The following ZC3H12B variants were observed in gnomAD, a reference collection of about 807,000 sequenced individuals.
ZC3H12B encodes the protein zinc finger CCCH-type containing 12B.
In ZC3H12B, 7 loss-of-function variants were observed where a neutral mutation model predicts 43.9. The observed-to-expected ratio is 0.16, with a 90% CI of 0.09 to 0.30. The LOEUF (loss-of-function observed/expected upper bound fraction) is 0.30, where lower values mean the gene tolerates loss of function less well. Ranked by LOEUF, ZC3H12B falls within the 10% of genes least tolerant of loss-of-function variation. The probability of loss-of-function intolerance (pLI) is 1.00; values close to 1 mark genes in which losing one functional copy is unlikely to be tolerated. For missense variants in ZC3H12B, 475 were observed against 670.2 expected, an observed-to-expected ratio of 0.71 and a Z score of 3.22; for synonymous variants, 222 against 241.7, an observed-to-expected ratio of 0.92 and a Z score of 0.76.
At chrX:65,054,915 T>G in the ZC3H12B span, among the ~76,000 whole-genome samples, 1 of 111,691 alleles carries the variant, frequency 9.0e-6, no homozygotes, top group African/African-American at 3.3e-5. Flanking sequence ...TAAGAATGTT[T>G]GTGATTTTTG....
chrX:65,093,002 C>A, the ZC3H12B span, among the ~76,000 whole-genome samples: 1 of 111,626 alleles, frequency 9.0e-6, no homozygotes, highest in Non-Finnish European at 1.9e-5. Context: ...TGAGCCAGGC[C>A]CAGTGCCCTT....
At chrX:65,100,905 T>C in the ZC3H12B span, among the ~76,000 whole-genome samples, 1 of 111,584 alleles carries the variant, frequency 9.0e-6, no homozygotes. Flanking sequence ...CTAGTAGACA[T>C]CTACATAACT....
At chrX:65,153,132 A>G in the ZC3H12B span, among the ~76,000 whole-genome samples, 565 of 112,386 alleles carry the variant, frequency 5.0e-3, 2 homozygotes, top group African/African-American at 0.016. Flanking sequence ...TAAAAACCCT[A>G]GAAGAAAACT....
chrX:65,464,080 T>C (rs755404891), intron 3 of ZC3H12B, among the ~76,000 whole-genome samples: 11 of 112,378 alleles, frequency 9.8e-5, no homozygotes, highest in Non-Finnish European at 1.7e-4. Context: ...GTTAGATAAA[T>C]GTTCTACTAT....
chrX:65,104,781 T>C, the ZC3H12B span, among the ~76,000 whole-genome samples: 1 of 111,474 alleles, frequency 9.0e-6, no homozygotes, highest in South Asian at 3.8e-4. Flanking sequence ...TGTAGAGAAA[T>C]AGGAATGGTT....
intron 3 of ZC3H12B, among the ~76,000 whole-genome samples, chrX:65,411,814 G>A (rs887447430): frequency 9.2e-6 from 1 of 109,149 alleles, no homozygotes. Context: ...GTGGATGGAC[G>A]CCACATTTTT....
At chrX:65,084,925 C>T in the ZC3H12B span, among the ~76,000 whole-genome samples, 1 of 112,217 alleles carries the variant, frequency 8.9e-6, no homozygotes, top group African/African-American at 3.2e-5. Flanking sequence ...ATTATTCAGC[C>T]ATAAAAAGAA....
At chrX:65,306,438 T>C in the ZC3H12B span, among the ~76,000 whole-genome samples, 2 of 110,975 alleles carry the variant, frequency 1.8e-5, no homozygotes, top group Non-Finnish European at 3.8e-5. Context: ...AGTGGTGTGA[T>C]CTCGGCTCAC....
the ZC3H12B span, among the ~76,000 whole-genome samples, chrX:65,055,644 A>G: frequency 7.2e-5 from 8 of 111,802 alleles, no homozygotes; most frequent in Admixed American, 1.9e-4. Context: ...ATTGATTGGA[A>G]TAGTTTCAGA....
At chrX:65,240,756 C>T in the ZC3H12B span, among the ~76,000 whole-genome samples, 14 of 112,049 alleles carry the variant, frequency 1.2e-4, no homozygotes, top group Admixed American at 2.8e-4. Flanking sequence ...ATATTTGTAG[C>T]GGTTTTTGTT....
chrX:65,408,396 C>T, intron 3 of ZC3H12B: 1 of 1,203,795 alleles, frequency 8.3e-7, no homozygotes, highest in Non-Finnish European at 1.1e-6. Context: ...CAACAGGTGG[C>T]CCAGGCTGTC....
intron 3 of ZC3H12B, among the ~76,000 whole-genome samples, chrX:65,402,635 T>G (rs902205102): frequency 8.9e-6 from 1 of 111,831 alleles, no homozygotes; most frequent in African/African-American, 3.3e-5. Flanking sequence ...AGAACGAGAC[T>G]CTATATGTTT....
At chrX:65,109,382 C>T in the ZC3H12B span, among the ~76,000 whole-genome samples, 1 of 111,663 alleles carries the variant, frequency 9.0e-6, no homozygotes, top group Non-Finnish European at 1.9e-5. Flanking sequence ...CCAAGGCAAC[C>T]ACTAATCTAC....
At chrX:65,161,326 T>C in the ZC3H12B span, among the ~76,000 whole-genome samples, 1 of 111,485 alleles carries the variant, frequency 9.0e-6, no homozygotes, top group African/African-American at 3.3e-5. Context: ...TTGTTAACTT[T>C]CTGTCTCGTT....
At chrX:65,150,405 A>G in the ZC3H12B span, among the ~76,000 whole-genome samples, 1 of 110,468 alleles carries the variant, frequency 9.1e-6, no homozygotes. Flanking sequence ...TGGGATACAT[A>G]TACAGAACAT....
the ZC3H12B span, among the ~76,000 whole-genome samples, chrX:65,049,922 A>T: frequency 6.3e-5 from 7 of 111,341 alleles, no homozygotes; most frequent in African/African-American, 2.3e-4. Context: ...GTATGTTTTT[A>T]TCTCTATAAA....
intron 3 of ZC3H12B, among the ~76,000 whole-genome samples, chrX:65,466,253 T>C (rs1239570673): frequency 9.0e-6 from 1 of 110,721 alleles, no homozygotes; most frequent in Non-Finnish European, 1.9e-5. Flanking sequence ...GATCATGGGG[T>C]ATATATTTTT....
the ZC3H12B span, among the ~76,000 whole-genome samples, chrX:65,300,248 C>T: frequency 8.9e-6 from 1 of 112,180 alleles, no homozygotes; most frequent in Non-Finnish European, 1.9e-5. Flanking sequence ...TGCTTGCTTT[C>T]TCAGCTGGAG....
intron 3 of ZC3H12B, among the ~76,000 whole-genome samples, chrX:65,446,968 TATA>T (rs1418886795): frequency 8.9e-6 from 1 of 112,007 alleles, no homozygotes; most frequent in African/African-American, 3.3e-5. Flanking sequence ...ACAATTTGAT[TATA>T]ATGCTTTTCA....
Sources: gnomAD v4.1 joint callset for allele counts (sites outside exome capture counted in the v4.1 genomes callset) on GRCh38, gnomAD v4.1.1 for gene constraint, MANE v1.5 for transcripts, NCBI Gene and HGNC (gene_info 2026-07-23, HGNC 2026-07-21) for gene names.